The following PRELID2 variants were observed in gnomAD, a reference collection of about 807,000 sequenced individuals.
The protein encoded by PRELID2 is PRELI domain containing 2.
PRELID2 carries 25 observed loss-of-function variants against 28.4 expected under a neutral mutation model. The observed-to-expected ratio is 0.88, with a 90% CI of 0.64 to 1.23. The LOEUF (loss-of-function observed/expected upper bound fraction) is 1.23, where lower values mean the gene tolerates loss of function less well. Among genes scored for constraint, PRELID2 ranks in the 50% most tolerant of loss-of-function variants. PRELID2 has a pLI of 0.00. For synonymous variants in PRELID2, 76 were observed against 71.6 expected, an observed-to-expected ratio of 1.06 and a Z score of -0.31; for missense variants, 201 against 214.4, an observed-to-expected ratio of 0.94 and a Z score of 0.39.
Position 145,604,882 on chromosome 5 carries a change from C to T in PRELID2, n.71-131567G>A, listed in dbSNP as rs868025769. ...ACCATATTTTAATATGCTTGTTGGC[C>T]ATATATATATATATATATATATTCT... On this transcript the variant is annotated intron_variant and non_coding_transcript_variant, in intron 1 of 2. Transcript: ENST00000510259. 8.5e-3 allele frequency among the ~76,000 whole-genome samples: 984 copies of T among 115,930 alleles called. 37 individuals are homozygous for T. The highest frequency in any genetic ancestry group is 0.034 in the African/African-American group (894 of 26,152). The allele number at this position is 115,930 out of a possible 152,430, so 76.1% of individuals were successfully genotyped here. A position where few individuals can be genotyped will look rare whatever the true frequency, so the allele number is the denominator to read the frequency against.
chr5:145,251,672 C>A, the PRELID2 span, among the ~76,000 whole-genome samples: 2 of 152,122 alleles, frequency 1.3e-5, no homozygotes, highest in Admixed American at 1.3e-4. Flanking sequence ...AATAGTTGGG[C>A]CCCTTTTCTG....
At chr5:145,729,199 T>C in intron 1 of PRELID2, 1 of 740,604 alleles carries the variant, frequency 1.4e-6, no homozygotes, top group South Asian at 1.6e-5. Context: ...ATGCTCTGGG[T>C]TTCGGAAGCA....
chr5:145,542,914 G>A (rs143667044), intron 1 of PRELID2, among the ~76,000 whole-genome samples: 278 of 152,054 alleles, frequency 1.8e-3, no homozygotes, highest in Non-Finnish European at 2.4e-3. Flanking sequence ...TAAGAACAAA[G>A]ATCTCTGGCC....
At chr5:145,688,705 T>C (rs2149694046) in intron 1 of PRELID2, among the ~76,000 whole-genome samples, 2 of 152,220 alleles carry the variant, frequency 1.3e-5, no homozygotes, top group Middle Eastern at 6.8e-3. Flanking sequence ...GCATGACACA[T>C]TGGAAGAACT....
intron 1 of PRELID2, 76 bp from the exon 2 acceptor site, chr5:145,823,210 T>G: frequency 1.5e-6 from 1 of 683,434 alleles, no homozygotes; most frequent in Non-Finnish European, 2.6e-6. Flanking sequence ...ACCACAGCTG[T>G]CTGCAGGACT....
At chr5:145,411,869 A>T in the PRELID2 span, among the ~76,000 whole-genome samples, 1 of 152,180 alleles carries the variant, frequency 6.6e-6, no homozygotes, top group African/African-American at 2.4e-5. Flanking sequence ...TGTCTTCTGC[A>T]CACCTGCAGG....
intron 1 of PRELID2, among the ~76,000 whole-genome samples, chr5:145,709,641 A>G (rs535491117): frequency 9.1e-4 from 139 of 152,138 alleles, no homozygotes; most frequent in Non-Finnish European, 1.7e-3. Flanking sequence ...CCATTTTTCA[A>G]TTTTTTAATA....
At chr5:145,675,140 A>G (rs1754788867) in intron 1 of PRELID2, among the ~76,000 whole-genome samples, 1 of 152,120 alleles carries the variant, frequency 6.6e-6, no homozygotes, top group Non-Finnish European at 1.5e-5. Flanking sequence ...AAACCCAGAA[A>G]AAAACACTTG....
chr5:145,467,007 A>G (rs1344941286), downstream of PRELID2, among the ~76,000 whole-genome samples: 1 of 152,146 alleles, frequency 6.6e-6, no homozygotes, highest in Non-Finnish European at 1.5e-5. Context: ...CAGGGTCACT[A>G]GTAAATTTGA....
At chr5:145,755,753 G>T (rs143823593), downstream of PRELID2, among the ~76,000 whole-genome samples, 2 of 111,990 alleles carry the variant, frequency 1.8e-5, no homozygotes, top group Non-Finnish European at 3.9e-5. Flanking sequence ...TGGACCAAAA[G>T]AGAAAACAAA....
At chr5:145,721,505 C>G (rs148907228) in intron 1 of PRELID2, among the ~76,000 whole-genome samples, 1 of 151,990 alleles carries the variant, frequency 6.6e-6, no homozygotes, top group African/African-American at 2.4e-5. Flanking sequence ...AAGAGCAAAG[C>G]AAACACATCA....
chr5:145,659,162 C>T (rs1030924182), intron 1 of PRELID2, among the ~76,000 whole-genome samples: 1 of 152,144 alleles, frequency 6.6e-6, no homozygotes, highest in Admixed American at 6.5e-5. Context: ...CAAGCTGGTG[C>T]CCATCTCACT....
chr5:145,409,535 C>A, the PRELID2 span, among the ~76,000 whole-genome samples: 1 of 151,868 alleles, frequency 6.6e-6, no homozygotes, highest in Non-Finnish European at 1.5e-5. Context: ...AAAAGATAGT[C>A]CATGAAAATG....
the PRELID2 span, among the ~76,000 whole-genome samples, chr5:145,458,386 G>A: frequency 1.3e-5 from 2 of 152,276 alleles, no homozygotes; most frequent in African/African-American, 4.8e-5. Context: ...TGTATTGTTA[G>A]TTTAAGAAGC....
chr5:145,824,788 A>G (rs906429720), intron 1 of PRELID2, among the ~76,000 whole-genome samples: 2 of 152,116 alleles, frequency 1.3e-5, no homozygotes, highest in African/African-American at 4.8e-5. Context: ...AGCAACCTCA[A>G]TATCTCTTCA....
At chr5:145,433,412 G>A in the PRELID2 span, among the ~76,000 whole-genome samples, 1 of 152,140 alleles carries the variant, frequency 6.6e-6, no homozygotes, top group Non-Finnish European at 1.5e-5. Flanking sequence ...ATTTCTCAGG[G>A]CCAGGTGGCT....
chr5:145,735,764 G>A (rs1051059558), intron 1 of PRELID2, among the ~76,000 whole-genome samples: 13 of 152,020 alleles, frequency 8.6e-5, no homozygotes, highest in South Asian at 2.1e-4. Flanking sequence ...ATCTTCACAC[G>A]GTTGCTTTGG....
At chr5:145,654,127 G>A (rs923893253) in intron 1 of PRELID2, among the ~76,000 whole-genome samples, 5 of 152,180 alleles carry the variant, frequency 3.3e-5, no homozygotes, top group East Asian at 3.9e-4. Flanking sequence ...ACACCTCTAC[G>A]CAAATAAACT....
the PRELID2 span, among the ~76,000 whole-genome samples, chr5:145,321,597 G>T: frequency 6.6e-6 from 1 of 152,100 alleles, no homozygotes; most frequent in Non-Finnish European, 1.5e-5. Flanking sequence ...TCACTTGCCC[G>T]CAAGCACCCT....
Sources: gnomAD v4.1 joint callset for allele counts (sites outside exome capture counted in the v4.1 genomes callset) on GRCh38, gnomAD v4.1.1 for gene constraint, MANE v1.5 for transcripts, NCBI Gene and HGNC (gene_info 2026-07-23, HGNC 2026-07-21) for gene names.